Variants in MYH1 observed in about 807,000 individuals in gnomAD.
MYH1 encodes the protein myosin heavy chain 1, also known as myosin-1.
In MYH1, 214 loss-of-function variants were observed where a neutral mutation model predicts 225.6. That is an observed-to-expected ratio of 0.95 (90% CI 0.85 to 1.06). The LOEUF (loss-of-function observed/expected upper bound fraction) is 1.06, where lower values mean the gene tolerates loss of function less well. MYH1 is among the 50% of genes least tolerant of loss of function. The probability of loss-of-function intolerance (pLI) is 0.00; values close to 1 mark genes in which losing one functional copy is unlikely to be tolerated. For missense variants in MYH1, 2,098 were observed against 2,344.2 expected, an observed-to-expected ratio of 0.89 and a Z score of 2.17; for synonymous variants, 774 against 842.3, an observed-to-expected ratio of 0.92 and a Z score of 1.40.
At position 10,514,926 on chromosome 17, in the gene MYH1, T is replaced by C. The variant is rs148684693; in HGVS notation, c.506-31A>G. 9,843 of 1,607,474 alleles carry C rather than the reference T, an allele frequency of 6.1e-3. 45 individuals are homozygous for C. The highest frequency in any genetic ancestry group is 6.6e-3 in the Non-Finnish European group (7,785 of 1,174,692). ...AGAAAAACAGTGGAAAATCAGCATA[T>C]GTATCAGTTACACAAACAAAACTTT... On this transcript the variant is annotated intron_variant, in intron 5 of 39. Transcript: ENST00000226207.
chr17:10,494,217 C>T, intron 39 of MYH1, 137 bp downstream of exon 39: 2 of 789,670 alleles, frequency 2.5e-6, no homozygotes, highest in South Asian at 2.0e-5. Context: ...GTTGGTTTTA[C>T]CTCAGCCTTG....
chr17:10,509,531 A>G lies in MYH1; in HGVS notation c.1541T>C (p.Ile514Thr), dbSNP rs776005002. The change falls in exon 15 of 40, where the codon ATT (isoleucine) becomes ACT (threonine). Residue 514 changes from isoleucine (I) to threonine (T), a missense_variant. Transcript: ENST00000226207. ...GGCAGCCAGGTCCATCCCAAAGTCA[A>G]TGAACGTCCACTCAATGCCTTCCTT... ...YKKEGIEWTFIDFGMDLAACI... is the reference protein window; with the variant it reads ...YKKEGIEWTFTDFGMDLAACI... The G allele has an allele frequency of 3.1e-6, 5 of 1,614,184 alleles. No homozygotes were observed. The highest frequency in any genetic ancestry group is 1.7e-5 in the Admixed American group (1 of 60,020).
At chr17:10,501,935 A>G (rs373632669) in intron 24 of MYH1, 24 bp from the exon 25 acceptor site, 130 of 1,589,748 alleles carry the variant, frequency 8.2e-5, no homozygotes, top group Middle Eastern at 3.4e-4. Flanking sequence ...ATCCATGAAT[A>G]TGGTTCTTAG....
At chr17:10,504,134 A>G (rs566672568) in intron 22 of MYH1, among the ~76,000 whole-genome samples, 1 of 152,338 alleles carries the variant, frequency 6.6e-6, no homozygotes, top group South Asian at 2.1e-4. Flanking sequence ...GGTGGCAGCA[A>G]TTGAACTGTC....
intron 5 of MYH1, 90 bp from the exon 6 acceptor site, chr17:10,514,985 C>A: frequency 1.7e-6 from 2 of 1,162,498 alleles, no homozygotes. Context: ...GTATAAGTGT[C>A]ATGTATTCAG....
At chr17:10,503,502 C>T (rs988299127) in intron 22 of MYH1, among the ~76,000 whole-genome samples, 12 of 152,154 alleles carry the variant, frequency 7.9e-5, no homozygotes, top group East Asian at 5.8e-4. Context: ...TATATAATTT[C>T]GGGTCAGCCA....
chr17:10,502,672 C>T lies in MYH1; in HGVS notation c.3111+66G>A, dbSNP rs1421594351. 5.0e-6 allele frequency: 8 copies of T among 1,611,198 alleles called. No homozygotes were observed. In the East Asian group the frequency reaches 1.8e-4, roughly 36 times the overall value. On this transcript the variant is annotated intron_variant, in intron 24 of 39. Coordinates refer to ENST00000226207, the MANE Select transcript of MYH1 (RefSeq NM_005963.4). ...AAGTACTCACTATATCATAACGACA[C>T]AAACTTATGCTTACTTAGTTTGTTA...
At position 10,512,908 on chromosome 17, in the gene MYH1, AT is replaced by A; in HGVS notation, c.862del (p.Ile288PhefsTer13). ...FQLKAERSYH[I>X]FYQIMSNKKP... Reference sequence around the variant, plus strand: ...CTTGTTAGACATGATCTGATAAAAAATATGATAGCTTCTTTCAGCCTTTAGC... The same window carrying A: ...CTTGTTAGACATGATCTGATAAAAAAATGATAGCTTCTTTCAGCCTTTAGC... On this transcript the variant is annotated frameshift_variant, in exon 10 of 40. Coordinates refer to ENST00000226207, the MANE Select transcript of MYH1 (RefSeq NM_005963.4). LOFTEE classifies it high-confidence loss of function. The A allele has an allele frequency of 6.2e-7, 1 of 1,613,864 alleles. No individual in the cohort carries two copies.
chr17:10,494,406 A>C lies in MYH1; in HGVS notation c.5615T>G (p.Val1872Gly). 6.2e-7 allele frequency: 1 copy of C among 1,614,146 alleles called. No homozygotes were observed. Among genetic ancestry groups the C allele is most frequent in the Non-Finnish European group, 8.5e-7 (1 of 1,180,022 alleles). The change falls in exon 39 of 40, where the codon GTG (valine) becomes GGG (glycine). Residue 1872 changes from valine to glycine, a missense_variant. Physicochemically the swap from Val to Gly is moderately radical, Grantham distance 109. Coordinates refer to ENST00000226207, the MANE Select transcript of MYH1 (RefSeq NM_005963.4). ...TTTCACCTTTGCTTGCAGTTTGTCC[A>C]CCAGGTCCTGGAGCCTGAGAATATT... ...RKNILRLQDL[V>G]DKLQAKVKSY...
In MYH1 at chr17:10,514,864, A is replaced by G. The variant is rs111241148; in HGVS notation, c.533+4T>C. On this transcript the variant is annotated splice_donor_region_variant and intron_variant, in intron 6 of 39. Coordinates refer to ENST00000226207, the MANE Select transcript of MYH1 (RefSeq NM_005963.4). Reference sequence around the variant, plus strand: ...CCAATAAATCTCAGAATAGGAATACATACGTGATCAAGATAGACTGATTCT... The same window carrying G: ...CCAATAAATCTCAGAATAGGAATACGTACGTGATCAAGATAGACTGATTCT... 14 of 1,611,470 alleles carry G rather than the reference A, an allele frequency of 8.7e-6. 1 individual carries two copies. The highest frequency in any genetic ancestry group is 5.0e-5 in the Admixed American group (3 of 59,586).
chr17:10,501,898 A>G lies in MYH1; in HGVS notation c.3125T>C (p.Leu1042Ser), dbSNP rs2073062064. ...CATCCGGATTTTCTTTTCTTGTTCCAAAGATCCTTCAAGCTAAAAGTTAAT... is the reference window on the plus strand; with the variant it reads ...CATCCGGATTTTCTTTTCTTGTTCCGAAGATCCTTCAAGCTAAAAGTTAAT... Reference protein sequence around the residue: ...EQQVDDLEGSLEQEKKIRMDL... With the variant: ...EQQVDDLEGSSEQEKKIRMDL... Residue 1042 changes from leucine to serine, a missense_variant, in exon 25 of 40, where the codon TTG becomes TCG. Coordinates refer to ENST00000226207, the MANE Select transcript of MYH1 (RefSeq NM_005963.4). The G allele has an allele frequency of 1.2e-6, 2 of 1,605,572 alleles. No homozygotes were observed. Among genetic ancestry groups the G allele is most frequent in the East Asian group, 2.2e-5 (1 of 44,828 alleles).
intron 39 of MYH1, among the ~76,000 whole-genome samples, chr17:10,493,887 G>T (rs1157913226): frequency 6.6e-6 from 1 of 152,140 alleles, no homozygotes; most frequent in Non-Finnish European, 1.5e-5. Flanking sequence ...GACCTGAAAA[G>T]CTTCCTAACA....
In MYH1 at chr17:10,505,943, T is replaced by C. The variant is rs747427881; in HGVS notation, c.2057-14A>G. ...GCTCCATGGCACCTAAAAGAATGAA[T>C]CCACATGCCATACTTCGTGGTCTAT... On this transcript the variant is annotated splice_polypyrimidine_tract_variant and intron_variant, in intron 18 of 39. Transcript: ENST00000226207. 4 of 1,613,966 alleles carry C rather than the reference T, an allele frequency of 2.5e-6. No individual in the cohort carries two copies. The highest frequency in any genetic ancestry group is 3.4e-6 in the Non-Finnish European group (4 of 1,180,022).
At chr17:10,514,304 G>A (rs2302087) in intron 6 of MYH1, among the ~76,000 whole-genome samples, 180 bp from the exon 7 acceptor site, 8,894 of 152,232 alleles carry the variant, frequency 0.058, 282 homozygotes, top group South Asian at 0.12. Context: ...ATCAGTCATT[G>A]TTCATTTAAC....
rs2072973344 is a variant in MYH1, at chr17:10,495,013, T to C, written c.5384A>G (p.Lys1795Arg). The C allele has an allele frequency of 6.2e-7, 1 of 1,614,118 alleles. No individual in the cohort carries two copies. Among genetic ancestry groups the C allele is most frequent in the Non-Finnish European group, 8.5e-7 (1 of 1,180,040 alleles). Reference sequence around the variant, plus strand: ...CTCATCCAGACGATGCTGCAGGTCCTTCACCGTCTGTTCCAGGTTCTTCTT... The same window carrying C: ...CTCATCCAGACGATGCTGCAGGTCCCTCACCGTCTGTTCCAGGTTCTTCTT... Reference protein sequence around the residue: ...RMKKNLEQTVKDLQHRLDEAE... With the variant: ...RMKKNLEQTVRDLQHRLDEAE... The change falls in exon 37 of 40, where the codon AAG (lysine) becomes AGG (arginine). Residue 1795 changes from lysine to arginine, a missense_variant. Coordinates refer to ENST00000226207, the MANE Select transcript of MYH1 (RefSeq NM_005963.4).
intron 5 of MYH1, 73 bp downstream of exon 5, chr17:10,515,853 C>CT (rs2073220636): frequency 6.2e-7 from 1 of 1,608,052 alleles, no homozygotes; most frequent in African/African-American, 1.3e-5. Flanking sequence ...TTCTAAAGGT[C>CT]TTTTTTTAGT....
chr17:10,504,934 AT>A lies in MYH1; in HGVS notation c.2566del (p.Met856Ter), dbSNP rs762520927. The A allele has an allele frequency of 1.2e-5, 19 of 1,613,638 alleles. No individual in the cohort carries two copies. The highest frequency in any genetic ancestry group is 1.5e-5 in the Non-Finnish European group (18 of 1,179,982). ...TTTGGTTTTCTCAAATTCTTCCTTCATGTTGGCCATCTCCTTCTCTGTCTCT... is the reference window on the plus strand; with the variant it reads ...TTTGGTTTTCTCAAATTCTTCCTTCAGTTGGCCATCTCCTTCTCTGTCTCT... ...SAETEKEMANMKEEFEKTKEE... is the reference protein window; with the variant it reads ...SAETEKEMANXKEEFEKTKEE... On this transcript the variant is annotated frameshift_variant, in exon 22 of 40. Transcript: ENST00000226207. LOFTEE classifies it high-confidence loss of function.
chr17:10,514,244 A>G, intron 6 of MYH1, 120 bp from the exon 7 acceptor site: 4 of 1,167,860 alleles, frequency 3.4e-6, no homozygotes, highest in Non-Finnish European at 3.7e-6. Flanking sequence ...TTCAGCCTAC[A>G]TATAGCTCGT....
At chr17:10,494,885 G>A in intron 37 of MYH1, 46 bp downstream of exon 37, 1 of 1,614,046 alleles carries the variant, frequency 6.2e-7, no homozygotes, top group South Asian at 1.1e-5. Flanking sequence ...AGAATCGTGT[G>A]TTGGATTGGA....
Sources: allele counts gnomAD v4.1 joint callset (sites outside exome capture counted in the v4.1 genomes callset), GRCh38; gene constraint gnomAD v4.1.1; transcripts MANE v1.5; gene names NCBI Gene and HGNC (gene_info 2026-07-23, HGNC 2026-07-21).